SAFB: variants seen among roughly 807,000 people sequenced by gnomAD.
SAFB encodes scaffold attachment factor B, also known as scaffold attachment factor B1.
Under a neutral mutation model 101.6 loss-of-function variants are expected in SAFB, and 15 were observed. That is an observed-to-expected ratio of 0.15 (90% CI 0.10 to 0.23). SAFB has a LOEUF of 0.23. SAFB is among the 10% of genes least tolerant of loss of function. SAFB has a pLI of 1.00. For missense variants in SAFB, 930 were observed against 1,104.1 expected, an observed-to-expected ratio of 0.84 and a Z score of 2.23; for synonymous variants, 449 against 407.5, an observed-to-expected ratio of 1.10 and a Z score of -1.23.
At position 5,664,170 on chromosome 19, in the gene SAFB, C is replaced by T. The variant is rs368252383; in HGVS notation, c.2291+11C>T. On this transcript the variant is annotated intron_variant, in intron 16 of 20. Transcript: ENST00000588852. ...CCACTCGGTGGACAGGTCAGTTGGGCCCCTGCTGGGCGTGCGGGTTTTCTT... is the reference window on the plus strand; with the variant it reads ...CCACTCGGTGGACAGGTCAGTTGGGTCCCTGCTGGGCGTGCGGGTTTTCTT... 1.9e-6 allele frequency: 3 copies of T among 1,612,374 alleles called. No individual in the cohort carries two copies. The Admixed American group carries it at 5.0e-5, about 27-fold the overall frequency.
At chr19:5,644,633 G>A (rs1269756168) in intron 4 of SAFB, among the ~76,000 whole-genome samples, 1 of 152,156 alleles carries the variant, frequency 6.6e-6, no homozygotes, top group Non-Finnish European at 1.5e-5. Flanking sequence ...AATACATGCT[G>A]GTTATAAAAT....
intron 5 of SAFB, among the ~76,000 whole-genome samples, chr19:5,647,274 G>T (rs186365710): frequency 1.3e-5 from 2 of 152,334 alleles, no homozygotes; most frequent in African/African-American, 4.8e-5. Flanking sequence ...GCTGGACGGG[G>T]CAGGGGAGGG....
chr19:5,653,467 T>C, intron 11 of SAFB, 47 bp downstream of exon 11: 1 of 1,559,588 alleles, frequency 6.4e-7, no homozygotes, highest in Non-Finnish European at 8.8e-7. Context: ...TGTTTTTTGT[T>C]GTTGTTGTTT....
chr19:5,661,342 CT>C, intron 14 of SAFB, 175 bp from the exon 15 acceptor site: 1 of 1,134,394 alleles, frequency 8.8e-7, no homozygotes, highest in South Asian at 1.6e-5. Context: ...TGAGATCTTC[CT>C]GGGCTGCTCC....
rs1418956788 is a variant in SAFB, at chr19:5,667,500, A to C, written c.2557+50A>C. ...CCAGGATGTGCTGGGGAGTGATGGA[A>C]AGATGGAGGCCGCGCCTTCTCTCCT... On this transcript the variant is annotated intron_variant, in intron 19 of 20. Transcript: ENST00000588852. The surrounding 1 kb of genome is among the most constrained non-coding windows in gnomAD (Gnocchi z 4.0). 3.9e-6 allele frequency: 5 copies of C among 1,294,274 alleles called. No homozygotes were observed. In the East Asian group the frequency reaches 1.3e-4, roughly 33 times the overall value. The allele number at this position is 1,294,274 out of a possible 1,614,324, so 80.2% of individuals were successfully genotyped here. A position where few individuals can be genotyped will look rare whatever the true frequency, so the allele number is the denominator to read the frequency against.
rs575411235 is a variant in SAFB, at chr19:5,667,647, C to G, written c.2558-173C>G. ...TGGACAGTGGGCGTTCCCGAGTTCT[C>G]TCTGCTGGGAGGAAGCTGGACGTCT... On this transcript the variant is annotated intron_variant, in intron 19 of 20. Coordinates refer to ENST00000588852, the MANE Select transcript of SAFB (RefSeq NM_001201338.2). The surrounding 1 kb of genome is among the most constrained non-coding windows in gnomAD (Gnocchi z 4.0). 5 of 720,366 alleles carry G rather than the reference C, an allele frequency of 6.9e-6. No homozygotes were observed. Among genetic ancestry groups the G allele is most frequent in the Middle Eastern group, 3.2e-4 (1 of 3,104 alleles). 44.6% of individuals were successfully genotyped at this position (720,366 alleles called of 1,614,324 possible). A position where few individuals can be genotyped will look rare whatever the true frequency, so the allele number is the denominator to read the frequency against.
chr19:5,631,812 G>A (rs1227791696), intron 2 of SAFB, among the ~76,000 whole-genome samples: 3 of 152,144 alleles, frequency 2.0e-5, no homozygotes, highest in African/African-American at 2.4e-5. Flanking sequence ...TTGGGACACC[G>A]ACGCGGAAGG....
intron 14 of SAFB, among the ~76,000 whole-genome samples, chr19:5,659,812 C>A (rs529523208): frequency 1.3e-5 from 2 of 152,184 alleles, no homozygotes; most frequent in South Asian, 4.1e-4. Flanking sequence ...AGGAGCCTGC[C>A]GTGCTAAACA....
At chr19:5,633,257 G>A (rs372576632) in intron 2 of SAFB, among the ~76,000 whole-genome samples, 24 of 152,178 alleles carry the variant, frequency 1.6e-4, no homozygotes, top group East Asian at 7.7e-4. Flanking sequence ...TTATTCCATA[G>A]GTTGAAAGCC....
intron 9 of SAFB, among the ~76,000 whole-genome samples, chr19:5,651,770 C>G (rs1323843077): frequency 6.6e-6 from 1 of 152,176 alleles, no homozygotes; most frequent in African/African-American, 2.4e-5. Context: ...GGCTCCTCGT[C>G]TCTCTCAGAG....
intron 13 of SAFB, among the ~76,000 whole-genome samples, chr19:5,656,568 G>A (rs2054065594): frequency 6.8e-6 from 1 of 147,248 alleles, no homozygotes; most frequent in African/African-American, 2.5e-5. Context: ...GAGCCACTGC[G>A]CCAGCAATTT....
chr19:5,637,455 A>G (rs1198379491), intron 2 of SAFB, among the ~76,000 whole-genome samples: 2 of 151,856 alleles, frequency 1.3e-5, no homozygotes, highest in East Asian at 1.9e-4. Context: ...TAGGAGTTCA[A>G]GACCAGCCTG....
Position 5,667,830 on chromosome 19 carries a change from A to G in SAFB, c.2568A>G (p.Arg856=). The G allele has an allele frequency of 2.5e-6, 4 of 1,614,040 alleles. No individual in the cohort carries two copies. Among genetic ancestry groups the G allele is most frequent in the Non-Finnish European group, 2.5e-6 (3 of 1,179,948 alleles). The part of the protein sequence containing the change: ...RDHKRWQGGE[R]SMSGHSGPGH... ...ACGTCTGTCTTCCAGGTGGCGAGAG[A>G]AGCATGTCCGGTCACTCCGGGCCTG... is the stretch of plus-strand genomic sequence containing the variant. The change falls in exon 20 of 21, where the codon AGA becomes AGG. Residue 856 remains arginine, a synonymous_variant. Coordinates refer to ENST00000588852, the MANE Select transcript of SAFB (RefSeq NM_001201338.2). This position sits in a 1 kb window ranked among gnomAD's most constrained non-coding sequence, Gnocchi z 4.0.
At chr19:5,636,868 C>T (rs1381495145) in intron 2 of SAFB, among the ~76,000 whole-genome samples, 1 of 151,694 alleles carries the variant, frequency 6.6e-6, no homozygotes, top group Non-Finnish European at 1.5e-5. Flanking sequence ...GACACCACAC[C>T]TGGCTAATTT....
chr19:5,657,612 A>G lies in SAFB; in HGVS notation c.1862+265A>G, dbSNP rs1599373326. Among the ~76,000 whole-genome samples, 2 of 151,848 alleles carry G rather than the reference A, an allele frequency of 1.3e-5. 1 individual carries two copies. Among genetic ancestry groups the G allele is most frequent in the Middle Eastern group, 6.9e-3 (2 of 290 alleles). Reference sequence around the variant, plus strand: ...AGTGGCGTGACCTCGGCTCACTGCAACCTCCGCCTCCAAGCAATTCTCCAG... The same window carrying G: ...AGTGGCGTGACCTCGGCTCACTGCAGCCTCCGCCTCCAAGCAATTCTCCAG... On this transcript the variant is annotated intron_variant, in intron 14 of 20. Transcript: ENST00000588852.
intron 6 of SAFB, chr19:5,648,339 C>G: frequency 2.5e-6 from 1 of 403,434 alleles, no homozygotes; most frequent in Non-Finnish European, 4.4e-6. Flanking sequence ...TTCCAGATGC[C>G]TCTCTTGAGA....
chr19:5,644,215 G>A (rs1374483508), intron 4 of SAFB, among the ~76,000 whole-genome samples: 1 of 152,150 alleles, frequency 6.6e-6, no homozygotes, highest in East Asian at 1.9e-4. Context: ...TGACTCATCT[G>A]TTCTACAATT....
At chr19:5,631,371 T>C (rs1050008726) in intron 2 of SAFB, among the ~76,000 whole-genome samples, 1 of 152,206 alleles carries the variant, frequency 6.6e-6, no homozygotes, top group African/African-American at 2.4e-5. Flanking sequence ...CTTTTGTGTC[T>C]CATTTGTTGT....
At chr19:5,638,032 T>A (rs1404710195) in intron 2 of SAFB, among the ~76,000 whole-genome samples, 1 of 152,254 alleles carries the variant, frequency 6.6e-6, no homozygotes, top group Non-Finnish European at 1.5e-5. Flanking sequence ...ATTTCTGGTA[T>A]CATCGTTTAC....
Sources: allele counts gnomAD v4.1 joint callset (sites outside exome capture counted in the v4.1 genomes callset), GRCh38; gene constraint gnomAD v4.1.1; non-coding constraint Gnocchi (gnomAD v3.1); transcripts MANE v1.5; gene names NCBI Gene and HGNC (gene_info 2026-07-23, HGNC 2026-07-21).